ZNF536: variants seen among roughly 807,000 people sequenced by gnomAD.
ZNF536 encodes zinc finger protein 536.
In ZNF536, 13 loss-of-function variants were observed where a neutral mutation model predicts 84.5. That is an observed-to-expected ratio of 0.15 (90% CI 0.10 to 0.24). The LOEUF is 0.24. ZNF536 is among the 10% of genes least tolerant of loss of function. The pLI is 1.00. For synonymous variants in ZNF536, 811 were observed against 742.5 expected (o/e 1.09, Z -1.50); for missense variants, 1,536 against 1,747.5 (o/e 0.88, Z 2.16).
intron 1 of ZNF536, among the ~76,000 whole-genome samples, chr19:30,614,156 C>T (rs2048200039): frequency 6.6e-6 from 1 of 152,220 alleles, no homozygotes. Context: ...AGCCACTGCA[C>T]GTGGCCCTGT....
At chr19:30,569,029 G>A (rs2046446642) in intron 1 of ZNF536, among the ~76,000 whole-genome samples, 1 of 152,160 alleles carries the variant, frequency 6.6e-6, no homozygotes, top group Non-Finnish European at 1.5e-5. Flanking sequence ...GCTGCATAAG[G>A]AAGTTAAATG....
chr19:30,343,381 G>C (rs748250738), intron 2 of ZNF536, among the ~76,000 whole-genome samples: 1 of 152,144 alleles, frequency 6.6e-6, no homozygotes, highest in Non-Finnish European at 1.5e-5. Context: ...TTCCTGGGGT[G>C]GGGGAGCATC....
At chr19:30,331,977 T>C (rs549771959) in intron 2 of ZNF536, among the ~76,000 whole-genome samples, 3 of 152,322 alleles carry the variant, frequency 2.0e-5, no homozygotes, top group African/African-American at 7.2e-5. Flanking sequence ...TGATGAATCT[T>C]CAGTCCCGGG....
chr19:30,421,358 A>G (rs1418376489), intron 1 of ZNF536, among the ~76,000 whole-genome samples: 3 of 152,064 alleles, frequency 2.0e-5, no homozygotes, highest in Non-Finnish European at 4.4e-5. Flanking sequence ...GAAGCAAGCC[A>G]TTGGTGGTGC....
intron 1 of ZNF536, among the ~76,000 whole-genome samples, chr19:30,618,990 T>C (rs2048392702): frequency 1.3e-5 from 2 of 152,208 alleles, no homozygotes; most frequent in Admixed American, 1.3e-4. Flanking sequence ...TAAGGATGTA[T>C]ACATTTACAA....
intron 1 of ZNF536, among the ~76,000 whole-genome samples, chr19:30,423,236 C>T (rs777262767): frequency 6.6e-6 from 1 of 151,738 alleles, no homozygotes; most frequent in Non-Finnish European, 1.5e-5. Context: ...TTCCTCCACC[C>T]GCCCATTCAC....
intron 2 of ZNF536, among the ~76,000 whole-genome samples, chr19:30,323,844 C>G (rs969128956): frequency 6.6e-6 from 1 of 152,200 alleles, no homozygotes; most frequent in Admixed American, 6.5e-5. Context: ...ACTTCTTTCT[C>G]TATTTGTCCT....
intron 1 of ZNF536, among the ~76,000 whole-genome samples, chr19:30,674,956 T>G (rs911896978): frequency 6.6e-6 from 1 of 152,082 alleles, no homozygotes; most frequent in Non-Finnish European, 1.5e-5. Flanking sequence ...CCTGCCCGCC[T>G]TGTCAAAATC....
At chr19:30,237,905 G>A (rs1034129377) in intron 1 of ZNF536, among the ~76,000 whole-genome samples, 1 of 152,024 alleles carries the variant, frequency 6.6e-6, no homozygotes, top group African/African-American at 2.4e-5. Context: ...TTGTTTTAAA[G>A]CAGTGTAACA....
intron 1 of ZNF536, among the ~76,000 whole-genome samples, chr19:30,638,432 G>A (rs549798154): frequency 6.6e-6 from 1 of 152,318 alleles, no homozygotes; most frequent in East Asian, 1.9e-4. Context: ...TACAGTCATG[G>A]TGGAAGGTGA....
At chr19:30,459,079 T>A (rs1384950977) in intron 2 of ZNF536, among the ~76,000 whole-genome samples, 1 of 152,182 alleles carries the variant, frequency 6.6e-6, no homozygotes, top group Non-Finnish European at 1.5e-5. Context: ...GATGGTAGTG[T>A]TTGCCTCTCT....
intron 2 of ZNF536, among the ~76,000 whole-genome samples, chr19:30,510,920 A>G (rs1320766430): frequency 1.3e-5 from 2 of 152,188 alleles, no homozygotes; most frequent in Non-Finnish European, 1.5e-5. Context: ...GTCTGCTGCC[A>G]TGAGTCTGTT....
intron 1 of ZNF536, among the ~76,000 whole-genome samples, chr19:30,584,440 C>A (rs1003753611): frequency 1.3e-5 from 2 of 152,204 alleles, no homozygotes; most frequent in African/African-American, 2.4e-5. Flanking sequence ...GATGGCCCTG[C>A]GGTTACGCTT....
intron 1 of ZNF536, among the ~76,000 whole-genome samples, chr19:30,664,675 T>C (rs947551256): frequency 6.6e-6 from 1 of 152,012 alleles, no homozygotes; most frequent in East Asian, 1.9e-4. Flanking sequence ...TTTTTGTTTT[T>C]AATTGGATAG....
At chr19:30,463,204 C>A (rs1007093107) in intron 2 of ZNF536, among the ~76,000 whole-genome samples, 10 of 152,076 alleles carry the variant, frequency 6.6e-5, no homozygotes, top group Non-Finnish European at 1.5e-4. Context: ...TGGATTTGAC[C>A]TCCCCCAAGG....
At chr19:30,236,788 A>G (rs1336891884) in intron 1 of ZNF536, among the ~76,000 whole-genome samples, 1 of 152,098 alleles carries the variant, frequency 6.6e-6, no homozygotes, top group African/African-American at 2.4e-5. Flanking sequence ...CTGGGATGTA[A>G]CGGATGGTGA....
chr19:30,244,704 G>T (rs2024151051), intron 1 of ZNF536, among the ~76,000 whole-genome samples: 1 of 152,176 alleles, frequency 6.6e-6, no homozygotes, highest in Admixed American at 6.5e-5. Flanking sequence ...GCACCCTCTG[G>T]ATGCTTCTCC....
At chr19:30,546,477 G>A (rs1022629468) in intron 3 of ZNF536, among the ~76,000 whole-genome samples, 7 of 152,166 alleles carry the variant, frequency 4.6e-5, no homozygotes, top group African/African-American at 1.2e-4. Flanking sequence ...GGGTAACCAC[G>A]GTTCTGGCAC....
At chr19:30,314,289 T>A (rs1020222199) in intron 2 of ZNF536, among the ~76,000 whole-genome samples, 2 of 152,172 alleles carry the variant, frequency 1.3e-5, no homozygotes, top group African/African-American at 4.8e-5. Flanking sequence ...CGGTGCGGGC[T>A]GGACTATCAT....
Sources: gnomAD v4.1 joint callset for allele counts (sites outside exome capture counted in the v4.1 genomes callset) on GRCh38, gnomAD v4.1.1 for gene constraint, MANE v1.5 for transcripts, NCBI Gene and HGNC (gene_info 2026-07-23, HGNC 2026-07-21) for gene names.